Variants in ANAPC15 observed in about 807,000 individuals in gnomAD.
ANAPC15 encodes the protein anaphase promoting complex subunit 15, also known as anaphase-promoting complex subunit 15.
A neutral mutation model predicts 19.8 loss-of-function variants in ANAPC15; 13 were observed. The ratio of observed to expected loss-of-function variants is 0.66; its 90% CI spans 0.43 to 1.04. The LOEUF (loss-of-function observed/expected upper bound fraction) is 1.04. Ranked by LOEUF, ANAPC15 falls within the 50% of genes least tolerant of loss-of-function variation. ANAPC15 has a pLI of 0.00. For synonymous variants in ANAPC15, 45 were observed against 50.7 expected (o/e 0.89, Z 0.47); for missense variants, 88 against 150.3 (o/e 0.59, Z 2.17).
At chr11:72,108,719 G>A (rs1393280423), downstream of ANAPC15, 12 of 1,549,802 alleles carry the variant, frequency 7.7e-6, no homozygotes, top group Admixed American at 2.4e-4. Context: ...TTACCTGAGG[G>A]ACCTGCAGCT....
intron 5 of ANAPC15, 32 bp from the exon 6 acceptor site, chr11:72,109,960 GGCCTCAGCCA>G: frequency 6.2e-7 from 1 of 1,613,922 alleles, no homozygotes; most frequent in Non-Finnish European, 8.5e-7. Context: ...GGTGGGGAGG[GGCCTCAGCCA>G]GCCTCAGCCC....
intron 5 of ANAPC15, 61 bp from the exon 6 acceptor site, chr11:72,109,989 G>A: frequency 1.2e-6 from 2 of 1,613,876 alleles, no homozygotes; most frequent in South Asian, 1.1e-5. Context: ...CCCAGATCCT[G>A]CCCCTGGCTG....
At position 72,110,239 on chromosome 11, in the gene ANAPC15, C is replaced by G; in HGVS notation, c.181-14G>C. On this transcript the variant is annotated splice_polypyrimidine_tract_variant and intron_variant, in intron 4 of 5. Transcript: ENST00000227618. ...GTCATCATAGTGCTGGTGGGCAGGACAGAGCCTGTAAGCCCTACAGGCCTG... is the reference window on the plus strand; with the variant it reads ...GTCATCATAGTGCTGGTGGGCAGGAGAGAGCCTGTAAGCCCTACAGGCCTG... 1 of 1,612,732 alleles carries G rather than the reference C, an allele frequency of 6.2e-7. No individual in the cohort carries two copies. The highest frequency in any genetic ancestry group is 1.7e-5 in the Admixed American group (1 of 60,020).
intron 3 of ANAPC15, 54 bp from the exon 4 acceptor site, chr11:72,110,657 G>C: frequency 6.2e-7 from 1 of 1,608,228 alleles, no homozygotes; most frequent in Non-Finnish European, 8.5e-7. Context: ...GGCAGGTCAG[G>C]GGCATGGGAC....
chr11:72,108,836 T>C (rs892451020), downstream of ANAPC15: 2 of 1,550,594 alleles, frequency 1.3e-6, no homozygotes. Flanking sequence ...CTGTGGCCGC[T>C]ACCGCTGCCG....
At position 72,109,812 on chromosome 11, in the gene ANAPC15, T is replaced by A; in HGVS notation, c.*69A>T. On this transcript the variant is annotated 3_prime_UTR_variant, in exon 6 of 6. Transcript: ENST00000227618. The stretch of plus-strand genomic sequence containing the variant: ...CATCAGCTGGTTCTGTGGGCAGGGG[T>A]TGGGGGTTGGGATGCAGGGTAGTTT... The A allele has an allele frequency of 1.3e-6, 2 of 1,585,888 alleles. No individual in the cohort carries two copies.
downstream of ANAPC15, chr11:72,109,092 G>A (rs1335984193): frequency 3.2e-6 from 2 of 624,124 alleles, no homozygotes; most frequent in South Asian, 2.1e-5. Context: ...CTGACCTCAA[G>A]TGTCAAGTTC....
downstream of ANAPC15, chr11:72,106,953 A>G (rs1292921828): frequency 1.3e-5 from 2 of 155,088 alleles, no homozygotes; most frequent in African/African-American, 4.9e-5. Flanking sequence ...AAAAAAAAAA[A>G]AAAAGAAAAA....
At chr11:72,109,465 T>G (rs1946124426), downstream of ANAPC15, 4 of 398,832 alleles carry the variant, frequency 1.0e-5, no homozygotes, top group South Asian at 7.3e-5. Flanking sequence ...TGGCCTTCCC[T>G]AACTCTGGCC....
Position 72,109,863 on chromosome 11 carries a change from C to A in ANAPC15, c.*18G>T. 1.2e-6 allele frequency: 2 copies of A among 1,613,014 alleles called. No individual in the cohort carries two copies. The highest frequency in any genetic ancestry group is 1.7e-6 in the Non-Finnish European group (2 of 1,179,978). On this transcript the variant is annotated 3_prime_UTR_variant, in exon 6 of 6. Transcript: ENST00000227618. ...GGGCTGGCCTGGAATCTCCCTGAGG[C>A]CACCCTGCCTTGTCTACCTAGATCA...
chr11:72,110,468 C>G, intron 4 of ANAPC15, 76 bp downstream of exon 4: 1 of 1,594,644 alleles, frequency 6.3e-7, no homozygotes, highest in Non-Finnish European at 8.6e-7. Flanking sequence ...GGGTCAGAGA[C>G]AGGACATTCA....
At chr11:72,108,945 T>C, downstream of ANAPC15, 3 of 1,491,212 alleles carry the variant, frequency 2.0e-6, no homozygotes, top group Non-Finnish European at 2.7e-6. Flanking sequence ...CCAGGGGTAC[T>C]TACTGATGCC....
At chr11:72,108,778 C>A, downstream of ANAPC15, 2 of 1,550,466 alleles carry the variant, frequency 1.3e-6, no homozygotes, top group Non-Finnish European at 1.7e-6. Flanking sequence ...TGCTGGCTGA[C>A]CATGTGCTCT....
chr11:72,110,187 A>G lies in ANAPC15; in HGVS notation c.219T>C (p.Asp73=). The G allele has an allele frequency of 6.2e-7, 1 of 1,613,892 alleles. No homozygotes were observed. The highest frequency in any genetic ancestry group is 1.1e-5 in the South Asian group (1 of 91,056). The stretch of plus-strand genomic sequence containing the variant: ...CCTCTGAGTCCTCTTCACTATCCTC[A>G]TCATCTTCATCATCCTCTTCTTCCT... ...DDEEEEDDED[D]EDSEEDSEDD... Residue 73 remains aspartate (D), a synonymous_variant, in exon 5 of 6, where the codon GAT becomes GAC. Transcript: ENST00000227618.
At chr11:72,108,721 C>G (rs397516627), downstream of ANAPC15, 1 of 1,550,032 alleles carries the variant, frequency 6.5e-7, no homozygotes. Context: ...ACCTGAGGGA[C>G]CTGCAGCTGC....
chr11:72,110,060 G>C (rs781355244), intron 5 of ANAPC15, 28 bp downstream of exon 5: 2 of 1,614,150 alleles, frequency 1.2e-6, no homozygotes, highest in Non-Finnish European at 8.5e-7. Flanking sequence ...TCCAGGAACA[G>C]AGGCCCTCCC....
At chr11:72,108,635 G>C, downstream of ANAPC15, 1 of 1,495,734 alleles carries the variant, frequency 6.7e-7, no homozygotes. Flanking sequence ...CTCAGAGGAC[G>C]TGATCCCGTG....
chr11:72,108,833 C>T (rs886048634), downstream of ANAPC15: 106 of 1,550,534 alleles, frequency 6.8e-5, no homozygotes, highest in African/African-American at 1.2e-4. Context: ...GAGCTGTGGC[C>T]GCTACCGCTG....
In ANAPC15 at chr11:72,112,660, GGCT is replaced by G. The variant is rs1947343350; in HGVS notation, c.-109_-107del. 2.2e-6 allele frequency: 1 copy of G among 456,586 alleles called. No homozygotes were observed. The highest frequency in any genetic ancestry group is 2.0e-5 in the African/African-American group (1 of 50,076). The allele number at this position is 456,586 out of a possible 1,614,324, so 28.3% of individuals were successfully genotyped here. A position where few individuals can be genotyped will look rare whatever the true frequency, so the allele number is the denominator to read the frequency against. ...TGCGTCTGTACTTACCGCGCCGGGAGGCTGCTGCCGGCGGCGACCCGGAAGCGC... is the reference window on the plus strand; with the variant it reads ...TGCGTCTGTACTTACCGCGCCGGGAGGCTGCCGGCGGCGACCCGGAAGCGC... On this transcript the variant is annotated 5_prime_UTR_variant, in exon 1 of 6. Transcript: ENST00000227618.
Sources: gnomAD v4.1 joint callset for allele counts on GRCh38, gnomAD v4.1.1 for gene constraint, MANE v1.5 for transcripts, NCBI Gene and HGNC (gene_info 2026-07-23, HGNC 2026-07-21) for gene names.